Variants in ARMC12 observed in about 807,000 individuals in gnomAD.
ARMC12 encodes the protein armadillo repeat containing 12, also known as armadillo repeat-containing protein 12.
A neutral mutation model predicts 37.4 loss-of-function variants in ARMC12; 25 were observed. The ratio of observed to expected loss-of-function variants is 0.67; its 90% confidence interval spans 0.49 to 0.93. The LOEUF (loss-of-function observed/expected upper bound fraction) is 0.93. Among genes scored for constraint, ARMC12 ranks in the 40% least tolerant of loss-of-function variants. The pLI is 0.00. For missense variants in ARMC12, 384 were observed against 426.6 expected (o/e 0.90, Z 0.88); for synonymous variants, 167 against 176.1 (o/e 0.95, Z 0.41).
chr6:35,733,249 C>T (rs1407509503), upstream of ARMC12, among the ~76,000 whole-genome samples: 1 of 152,198 alleles, frequency 6.6e-6, no homozygotes, highest in Non-Finnish European at 1.5e-5. Flanking sequence ...AGGGCTGACT[C>T]ATGTGCTTTT....
In ARMC12 at chr6:35,737,199, C is replaced by A. The variant is rs1766991975; in HGVS notation, c.91C>A (p.Leu31Ile). Residue 31 changes from leucine to isoleucine, a missense_variant, in exon 1 of 6, where the codon CTC becomes ATC. Coordinates refer to ENST00000373866, the MANE Select transcript of ARMC12 (RefSeq NM_001286574.2). The part of the protein sequence containing the change: ...LATGAGAIYL[L>I]YKAIKAGIKC... ...CACAGGCGCCGGGGCGATCTACCTG[C>A]TCTACAAGGCCATCAAGGCTGGCAT... 6.2e-7 allele frequency: 1 copy of A among 1,614,140 alleles called. No homozygotes were observed. Among genetic ancestry groups the A allele is most frequent in the Non-Finnish European group, 8.5e-7 (1 of 1,180,050 alleles).
At chr6:35,732,200 C>G (rs1766850740), upstream of ARMC12, among the ~76,000 whole-genome samples, 1 of 152,160 alleles carries the variant, frequency 6.6e-6, no homozygotes, top group African/African-American at 2.4e-5. Context: ...TACCCGGAGG[C>G]CCCAGGATCT....
In ARMC12 at chr6:35,737,055, C is replaced by G. The variant is rs1385579754; in HGVS notation, c.-54C>G. 3 of 1,602,124 alleles carry G rather than the reference C, an allele frequency of 1.9e-6. No individual in the cohort carries two copies. Among genetic ancestry groups the G allele is most frequent in the South Asian group, 1.1e-5 (1 of 90,394 alleles). On this transcript the variant is annotated 5_prime_UTR_variant, in exon 1 of 6. Coordinates refer to ENST00000373866, the MANE Select transcript of ARMC12 (RefSeq NM_001286574.2). The stretch of plus-strand genomic sequence containing the variant: ...CCAGAGTTCTGGTTCCGGAAGGCCC[C>G]CCACAGGTGCCTTGGGCCTAGCTCT...
intron 3 of ARMC12, among the ~76,000 whole-genome samples, chr6:35,745,198 A>G (rs1185494912): frequency 1.3e-5 from 2 of 152,242 alleles, no homozygotes; most frequent in African/African-American, 4.8e-5. Flanking sequence ...TATGTGGAAT[A>G]GCCCCAAACT....
rs140145632 is a variant in ARMC12, at chr6:35,737,324, C to T, written c.163+53C>T. 174 of 1,614,226 alleles carry T rather than the reference C, an allele frequency of 1.1e-4. 1 individual carries two copies. The highest frequency in any genetic ancestry group is 7.9e-4 in the African/African-American group (59 of 75,064). On this transcript the variant is annotated intron_variant, in intron 1 of 5. Transcript: ENST00000373866. ...CTCTGCCCCAGGAGGCACCTGCTCC[C>T]GAGGCCTCTGCTGTGGGAGGGCCCA...
At chr6:35,744,737 A>AGAGT (rs1767285804) in intron 3 of ARMC12, among the ~76,000 whole-genome samples, 2 of 152,190 alleles carry the variant, frequency 1.3e-5, no homozygotes, top group Admixed American at 1.3e-4. Flanking sequence ...CGTGGGCAAC[A>AGAGT]GAGTGAGACT....
At chr6:35,736,938 C>A, upstream of ARMC12, 1 of 1,019,226 alleles carries the variant, frequency 9.8e-7, no homozygotes, top group Non-Finnish European at 1.4e-6. Flanking sequence ...TCCTGGCTGC[C>A]CCATTTCCTG....
intron 3 of ARMC12, among the ~76,000 whole-genome samples, chr6:35,746,386 G>A (rs536493828): frequency 6.6e-6 from 1 of 152,138 alleles, no homozygotes; most frequent in Non-Finnish European, 1.5e-5. Context: ...GAGAAGAGAA[G>A]ATGGAGTCCA....
At position 35,747,575 on chromosome 6, in the gene ARMC12, G is replaced by A; in HGVS notation, c.619-1G>A. 6.2e-7 allele frequency: 1 copy of A among 1,614,158 alleles called. No individual in the cohort carries two copies. Among genetic ancestry groups the A allele is most frequent in the Non-Finnish European group, 8.5e-7 (1 of 1,180,006 alleles). ...CATGCTTTACTCTTTCCTTTATTCAGGTGCAAGCCGTACGACTGCTGAGCT... is the reference window on the plus strand; with the variant it reads ...CATGCTTTACTCTTTCCTTTATTCAAGTGCAAGCCGTACGACTGCTGAGCT... On this transcript the variant is annotated splice_acceptor_variant, in intron 4 of 5. Transcript: ENST00000373866. LOFTEE classifies it high-confidence loss of function.
rs56354119 is a variant in ARMC12 at position 35,737,054 on chromosome 6, C to G, written c.-55C>G. The G allele has an allele frequency of 0.16, 250,421 of 1,601,064 alleles. 21,882 individuals carry two copies. The highest frequency in any genetic ancestry group is 0.17 in the Non-Finnish European group (202,851 of 1,172,148). On this transcript the variant is annotated 5_prime_UTR_variant, in exon 1 of 6. Transcript: ENST00000373866. ...GCCAGAGTTCTGGTTCCGGAAGGCC[C>G]CCCACAGGTGCCTTGGGCCTAGCTC... is the stretch of plus-strand genomic sequence containing the variant.
chr6:35,739,891 C>T lies in ARMC12; in HGVS notation c.444+1373C>T, dbSNP rs550684685. 1.3e-4 allele frequency among the ~76,000 whole-genome samples: 20 copies of T among 152,320 alleles called. 1 individual carries two copies. The South Asian group carries it at 2.3e-3, about 17-fold the overall frequency. ...GAATTAAATCATGTCCAGCTGCTCA[C>T]CCCTCCCCAGAAGTTGGGAGCAAAA... On this transcript the variant is annotated intron_variant, in intron 3 of 5. Coordinates refer to ENST00000373866, the MANE Select transcript of ARMC12 (RefSeq NM_001286574.2).
chr6:35,733,707 A>G (rs561166488), upstream of ARMC12, among the ~76,000 whole-genome samples: 48 of 152,218 alleles, frequency 3.2e-4, no homozygotes, highest in African/African-American at 1.1e-3. Flanking sequence ...GGGTTTCCCC[A>G]TGTTGGCCAG....
chr6:35,747,631 A>G lies in ARMC12; in HGVS notation c.674A>G (p.Asp225Gly). Residue 225 changes from aspartate to glycine, a missense_variant, in exon 5 of 6, where the codon GAC (aspartate) becomes GGC (glycine). Asp to Gly is a moderately conservative substitution (Grantham distance 94). Transcript: ENST00000373866. Reference protein sequence around the residue: ...YLAQKNDLLYDILNCQVHSNF... With the variant: ...YLAQKNDLLYGILNCQVHSNF... Reference sequence around the variant, plus strand: ...GCACAGAAGAATGACCTTCTCTATGACATTCTCAACTGCCAGGTGAGAAAG... The same window carrying G: ...GCACAGAAGAATGACCTTCTCTATGGCATTCTCAACTGCCAGGTGAGAAAG... The G allele has an allele frequency of 6.2e-7, 1 of 1,614,094 alleles. No individual in the cohort carries two copies. The highest frequency in any genetic ancestry group is 8.5e-7 in the Non-Finnish European group (1 of 1,179,928).
intron 3 of ARMC12, among the ~76,000 whole-genome samples, 176 bp downstream of exon 3, chr6:35,738,694 T>G (rs1767072081): frequency 6.6e-6 from 1 of 151,964 alleles, no homozygotes; most frequent in Admixed American, 6.6e-5. Context: ...GCCTTTGAAT[T>G]TCAGGATGAA....
intron 3 of ARMC12, among the ~76,000 whole-genome samples, chr6:35,742,617 C>T (rs1767209383): frequency 1.3e-5 from 2 of 150,518 alleles, no homozygotes; most frequent in Admixed American, 6.6e-5. Context: ...TCCTTTTTTT[C>T]CCCAGTGTCT....
chr6:35,743,277 C>T (rs1216842600), intron 3 of ARMC12, among the ~76,000 whole-genome samples: 3 of 149,558 alleles, frequency 2.0e-5, no homozygotes, highest in East Asian at 2.0e-4. Context: ...AGTGCAATGG[C>T]GCGATCTCAG....
intron 3 of ARMC12, among the ~76,000 whole-genome samples, chr6:35,741,672 G>A (rs774236027): frequency 6.6e-6 from 1 of 151,756 alleles, no homozygotes; most frequent in Non-Finnish European, 1.5e-5. Context: ...TGCCTGCCTC[G>A]GCCTCCCAAA....
chr6:35,731,852 C>T, the ARMC12 span, among the ~76,000 whole-genome samples: 1 of 152,150 alleles, frequency 6.6e-6, no homozygotes, highest in Admixed American at 6.5e-5. Context: ...GCTCCGCGTC[C>T]TAGGGGGCGG....
Position 35,748,817 on chromosome 6 carries a change from GC to G in ARMC12, c.973del (p.Arg325GlyfsTer23). Reference protein sequence around the residue: ...VSLQYPQDLRARPSSCQPSRS... With the variant: ...VSLQYPQDLRXRPSSCQPSRS... ...CCTGCAGTATCCCCAGGACTTGAGA[GC>G]CCGGCCCTCCTCCTGCCAGCCCAGT... On this transcript the variant is annotated frameshift_variant, in exon 6 of 6. Transcript: ENST00000373866. LOFTEE classifies it high-confidence loss of function. 1 of 1,614,018 alleles carries G rather than the reference GC, an allele frequency of 6.2e-7. No homozygotes were observed. The highest frequency in any genetic ancestry group is 8.5e-7 in the Non-Finnish European group (1 of 1,179,970).
Sources: gnomAD v4.1 joint callset for allele counts (sites outside exome capture counted in the v4.1 genomes callset) on GRCh38, gnomAD v4.1.1 for gene constraint, MANE v1.5 for transcripts, NCBI Gene and HGNC (gene_info 2026-07-23, HGNC 2026-07-21) for gene names.